TSC22D3: variants seen among roughly 807,000 people sequenced by gnomAD.
TSC22D3 encodes TSC22 domain family member 3.
Under a neutral mutation model 11.1 loss-of-function variants are expected in TSC22D3, and 4 were observed. The ratio of observed to expected loss-of-function variants is 0.36; its 90% CI spans 0.18 to 0.83. The LOEUF is 0.83. TSC22D3 is among the 40% of genes least tolerant of loss of function. The probability of loss-of-function intolerance (pLI) is 0.48; values close to 1 mark genes in which losing one functional copy is unlikely to be tolerated. For missense variants in TSC22D3, 118 were observed against 159.4 expected (o/e 0.74, Z 1.40); for synonymous variants, 77 against 70.3 (o/e 1.10, Z -0.48).
chrX:107,769,794 C>T (rs1259586896), intron 1 of TSC22D3, among the ~76,000 whole-genome samples: 1 of 110,087 alleles, frequency 9.1e-6, no homozygotes, highest in Non-Finnish European at 1.9e-5. Flanking sequence ...GTGAAAGGAC[C>T]GGCCCCCACC....
At chrX:107,747,263 C>T (rs766949971) in intron 1 of TSC22D3, among the ~76,000 whole-genome samples, 2 of 112,672 alleles carry the variant, frequency 1.8e-5, no homozygotes, top group African/African-American at 6.4e-5. Flanking sequence ...TTATCACACA[C>T]GCCCTGGGAC....
chrX:107,745,752 G>A (rs1193678516), intron 1 of TSC22D3, among the ~76,000 whole-genome samples: 1 of 112,266 alleles, frequency 8.9e-6, no homozygotes, highest in African/African-American at 3.2e-5. Context: ...GGTCATGTTT[G>A]CACTTCAATT....
intron 1 of TSC22D3, among the ~76,000 whole-genome samples, chrX:107,762,170 G>T (rs1194718362): frequency 8.9e-6 from 1 of 112,082 alleles, no homozygotes; most frequent in African/African-American, 3.2e-5. Flanking sequence ...GCATGAAGAG[G>T]AAAACATTCT....
chrX:107,714,600 C>A lies in TSC22D3; in HGVS notation c.522G>T (p.Lys174Asn). 8.3e-7 allele frequency: 1 copy of A among 1,211,702 alleles called. No individual in the cohort carries two copies. Among genetic ancestry groups the A allele is most frequent in the Non-Finnish European group, 1.1e-6 (1 of 895,516 alleles). Residue 174 changes from lysine to asparagine, a missense_variant, in exon 3 of 3, where the codon AAG becomes AAT. Coordinates refer to ENST00000372383, the MANE Select transcript of TSC22D3 (RefSeq NM_198057.3). ...CTTCAGGGCTCAGACAGGACTGGAA[C>A]TTCTCCAGCTGCTCTGGGCTTGCCA... ...KTLASPEQLE[K>N]FQSCLSPEEP...
chrX:107,733,704 A>C (rs956959755), intron 1 of TSC22D3, among the ~76,000 whole-genome samples: 1 of 111,826 alleles, frequency 8.9e-6, no homozygotes, highest in Non-Finnish European at 1.9e-5. Context: ...AGCTTTAAAG[A>C]GGAAGGGACT....
chrX:107,717,738 G>A (rs950332603), intron 1 of TSC22D3, among the ~76,000 whole-genome samples: 5 of 112,001 alleles, frequency 4.5e-5, no homozygotes, highest in African/African-American at 1.6e-4. Context: ...GAGGGTGTCC[G>A]GGAGCTGAGG....
At chrX:107,751,222 A>T (rs781572198) in intron 1 of TSC22D3, among the ~76,000 whole-genome samples, 3 of 112,004 alleles carry the variant, frequency 2.7e-5, no homozygotes, top group Non-Finnish European at 5.6e-5. Flanking sequence ...AGAGGTCGTT[A>T]TGTTGACCCA....
chrX:107,719,089 C>T (rs1569447260), intron 1 of TSC22D3, among the ~76,000 whole-genome samples: 1 of 111,832 alleles, frequency 8.9e-6, no homozygotes, highest in Non-Finnish European at 1.9e-5. Context: ...TTTCCCCTCC[C>T]CCGAAGATTC....
At chrX:107,722,652 T>C (rs779906276) in intron 1 of TSC22D3, among the ~76,000 whole-genome samples, 4 of 111,619 alleles carry the variant, frequency 3.6e-5, no homozygotes, top group Non-Finnish European at 5.6e-5. Flanking sequence ...CTTCCCCTTA[T>C]GCCTTCCAGC....
At chrX:107,741,349 GC>G (rs1407677735) in intron 1 of TSC22D3, among the ~76,000 whole-genome samples, 2 of 112,457 alleles carry the variant, frequency 1.8e-5, no homozygotes, top group African/African-American at 6.5e-5. Flanking sequence ...TGGCAGTGAA[GC>G]CCCCTCAACC....
intron 1 of TSC22D3, among the ~76,000 whole-genome samples, chrX:107,718,289 G>A (rs1927160743): frequency 8.9e-6 from 1 of 112,428 alleles, no homozygotes. Context: ...GGAGCAAGAG[G>A]GGCAGGGACA....
intron 1 of TSC22D3, among the ~76,000 whole-genome samples, chrX:107,727,298 C>T (rs1373560025): frequency 8.9e-6 from 1 of 111,861 alleles, no homozygotes; most frequent in Non-Finnish European, 1.9e-5. Context: ...TTTAAACGAA[C>T]GTGTTCAAGT....
chrX:107,733,126 G>A (rs957185200), intron 1 of TSC22D3, among the ~76,000 whole-genome samples: 4 of 108,798 alleles, frequency 3.7e-5, no homozygotes, highest in Non-Finnish European at 1.9e-5. Context: ...AAAATTATCT[G>A]TGTAACCCTG....
intron 1 of TSC22D3, among the ~76,000 whole-genome samples, chrX:107,733,916 C>G (rs1363674644): frequency 1.8e-5 from 2 of 111,877 alleles, no homozygotes; most frequent in Non-Finnish European, 3.8e-5. Context: ...AGGCACTGCC[C>G]GTCTGCTCTT....
At chrX:107,771,374 C>G (rs1280495491) in intron 1 of TSC22D3, among the ~76,000 whole-genome samples, 2 of 112,057 alleles carry the variant, frequency 1.8e-5, no homozygotes. Flanking sequence ...CATTTGAGAT[C>G]AGGAGATCGA....
chrX:107,713,746 A>T lies in TSC22D3; in HGVS notation c.*773T>A, dbSNP rs1245645158. The T allele has an allele frequency of 1.6e-4, 18 of 112,469 alleles. No homozygotes were observed. 9.3% of individuals were successfully genotyped at this position (112,469 alleles called of 1,213,427 possible). On this transcript the variant is annotated 3_prime_UTR_variant, in exon 3 of 3. Coordinates refer to ENST00000372383, the MANE Select transcript of TSC22D3 (RefSeq NM_198057.3). ...CAACTTGGTAAATGAACACAGTCAA[A>T]GACTTAGCCATAAGAGGTAAGGGAC...
chrX:107,753,722 A>C (rs917384235), intron 1 of TSC22D3, among the ~76,000 whole-genome samples: 1 of 111,380 alleles, frequency 9.0e-6, no homozygotes, highest in Non-Finnish European at 1.9e-5. Flanking sequence ...TCAACTCCCA[A>C]GTATTTCTAG....
At chrX:107,763,434 C>G (rs1480671605) in intron 1 of TSC22D3, among the ~76,000 whole-genome samples, 1 of 111,302 alleles carries the variant, frequency 9.0e-6, no homozygotes, top group African/African-American at 3.3e-5. Flanking sequence ...GACAGGCTAC[C>G]TCTCTCAAAT....
intron 1 of TSC22D3, among the ~76,000 whole-genome samples, chrX:107,724,698 G>A (rs1349078672): frequency 8.9e-6 from 1 of 112,702 alleles, no homozygotes. Flanking sequence ...GGTGACAGGT[G>A]ACAGGGTCTT....
Sources: gnomAD v4.1 joint callset for allele counts (sites outside exome capture counted in the v4.1 genomes callset) on GRCh38, gnomAD v4.1.1 for gene constraint, MANE v1.5 for transcripts, NCBI Gene and HGNC (gene_info 2026-07-23, HGNC 2026-07-21) for gene names.